The following SDK1 variants were observed in gnomAD, a reference collection of about 807,000 sequenced individuals.
SDK1 encodes protein sidekick-1.
SDK1 carries 157 observed loss-of-function variants against 245.5 expected under a neutral mutation model. The observed-to-expected ratio is 0.64, with a 90% CI of 0.56 to 0.73. SDK1 has a LOEUF of 0.73. Among genes scored for constraint, SDK1 ranks in the 30% least tolerant of loss-of-function variants. SDK1 has a pLI of 0.00. For missense variants in SDK1, 3,583 were observed against 3,002.3 expected, an observed-to-expected ratio of 1.19 and a Z score of -4.52; for synonymous variants, 1,647 against 1,278.5, an observed-to-expected ratio of 1.29 and a Z score of -6.15.
rs1027707757 is a variant in SDK1, at chr7:4,268,817, C to T, written c.*3433C>T. The T allele has an allele frequency of 3.5e-5, 41 of 1,166,092 alleles. No individual in the cohort carries two copies. Among genetic ancestry groups the T allele is most frequent in the South Asian group, 3.3e-4 (28 of 83,788 alleles). The allele number at this position is 1,166,092 out of a possible 1,614,324, so 72.2% of individuals were successfully genotyped here. On this transcript the variant is annotated 3_prime_UTR_variant, in exon 45 of 45. Transcript: ENST00000404826. ...TGAGCTGAGCCTGCCCGCTGGGACA[C>T]GTCTCCTTCCCGCGTCACCTTCTGG... is the stretch of plus-strand genomic sequence containing the variant.
rs534913253 is a variant in SDK1, at chr7:3,360,858, A to G, written c.298+58974A>G. Among the ~76,000 whole-genome samples the G allele has an allele frequency of 3.9e-4, 57 of 147,486 alleles. 1 individual carries two copies. In the South Asian group the frequency reaches 0.012, roughly 30 times the overall value. ...AGTGGGGGGAGTTATAATTTAGGGA[A>G]TTTCCATATTGGAGATAGTACTGCC... On this transcript the variant is annotated intron_variant, in intron 1 of 44. Transcript: ENST00000404826.
intron 1 of SDK1, among the ~76,000 whole-genome samples, chr7:3,599,630 G>A (rs573129321): frequency 2.0e-5 from 3 of 152,196 alleles, no homozygotes; most frequent in African/African-American, 4.8e-5. Flanking sequence ...GATTTAATTT[G>A]TATAGAAGGT....
At chr7:3,349,872 G>T (rs929306761) in intron 1 of SDK1, among the ~76,000 whole-genome samples, 3 of 152,170 alleles carry the variant, frequency 2.0e-5, no homozygotes, top group African/African-American at 7.2e-5. Context: ...AAAGTGCTGG[G>T]ATTACAGGCA....
chr7:3,398,238 A>G (rs955460400), intron 1 of SDK1, among the ~76,000 whole-genome samples: 3 of 151,988 alleles, frequency 2.0e-5, no homozygotes, highest in African/African-American at 7.3e-5. Flanking sequence ...ATACCGCCTT[A>G]AGTAGAGTCT....
chr7:3,974,577 C>A, intron 13 of SDK1, 32 bp downstream of exon 13: 1 of 1,598,846 alleles, frequency 6.3e-7, no homozygotes, highest in South Asian at 1.1e-5. Context: ...GTTAGCCAGT[C>A]CGCGGTTTTC....
At chr7:3,666,613 G>A (rs1783542339) in intron 4 of SDK1, among the ~76,000 whole-genome samples, 4 of 152,168 alleles carry the variant, frequency 2.6e-5, no homozygotes, top group Admixed American at 2.6e-4. Flanking sequence ...AGCTCCTGAG[G>A]ACAGACACTC....
intron 14 of SDK1, among the ~76,000 whole-genome samples, chr7:4,003,206 C>G (rs577780884): frequency 2.0e-5 from 3 of 152,382 alleles, no homozygotes; most frequent in East Asian, 1.9e-4. Flanking sequence ...AACACATGAC[C>G]TTCCACTGCA....
intron 1 of SDK1, among the ~76,000 whole-genome samples, chr7:3,426,105 T>C (rs78527418): frequency 0.024 from 3,644 of 152,338 alleles, 55 homozygotes; most frequent in African/African-American, 0.039. Flanking sequence ...TGTTAAGCAG[T>C]AAACAACGTG....
intron 1 of SDK1, among the ~76,000 whole-genome samples, chr7:3,483,616 T>C (rs1442361559): frequency 6.6e-6 from 1 of 152,204 alleles, no homozygotes; most frequent in Admixed American, 6.5e-5. Context: ...TATCCTTGTT[T>C]TCTTCTTCAT....
At chr7:3,440,788 C>T (rs777087985) in intron 1 of SDK1, among the ~76,000 whole-genome samples, 14 of 152,224 alleles carry the variant, frequency 9.2e-5, no homozygotes, top group Non-Finnish European at 1.9e-4. Context: ...TGCTGTTGCA[C>T]CTCAAACTGC....
At position 3,736,372 on chromosome 7, in the gene SDK1, G is replaced by A. The variant is rs117162807; in HGVS notation, c.714-85078G>A. ...GCAGTGGCACGTCTCGGCTCACTGC[G>A]AGCTCTGCCTCCCGGGTTCACGCCC... On this transcript the variant is annotated intron_variant, in intron 4 of 44. Transcript: ENST00000404826. Among the ~76,000 whole-genome samples, 1,257 of 152,092 alleles carry A rather than the reference G, an allele frequency of 8.3e-3. 15 individuals carry two copies. The highest frequency in any genetic ancestry group is 0.017 in the African/African-American group (714 of 41,482).
intron 35 of SDK1, among the ~76,000 whole-genome samples, chr7:4,204,739 C>A (rs1249744936): frequency 6.6e-6 from 1 of 152,210 alleles, no homozygotes; most frequent in Admixed American, 6.5e-5. Context: ...GCCTCTGCCT[C>A]CGGGAGCCAG....
intron 21 of SDK1, among the ~76,000 whole-genome samples, chr7:4,079,084 G>A (rs547379580): frequency 4.6e-5 from 7 of 152,280 alleles, no homozygotes; most frequent in Non-Finnish European, 8.8e-5. Context: ...CGGCCCGCTC[G>A]TTCTCTGTGT....
chr7:3,581,586 G>T (rs2128632747), intron 1 of SDK1, among the ~76,000 whole-genome samples: 1 of 152,236 alleles, frequency 6.6e-6, no homozygotes, highest in African/African-American at 2.4e-5. Flanking sequence ...AAGGCAGTGT[G>T]GTGATTCCTC....
intron 1 of SDK1, among the ~76,000 whole-genome samples, chr7:3,429,235 G>A (rs1328146903): frequency 6.5e-5 from 4 of 61,718 alleles, no homozygotes; most frequent in African/African-American, 3.5e-4. Context: ...GAAAAAATAT[G>A]ATAAAAGGCT....
At chr7:3,343,140 G>A (rs1461285908) in intron 1 of SDK1, among the ~76,000 whole-genome samples, 3 of 152,130 alleles carry the variant, frequency 2.0e-5, no homozygotes, top group Admixed American at 6.5e-5. Flanking sequence ...GTAGAACTAT[G>A]ATACAACTTG....
rs898133509 is a variant in SDK1 at position 4,026,001 on chromosome 7, G to C, written c.2602+8649G>C. 6.6e-6 allele frequency among the ~76,000 whole-genome samples: 1 copy of C among 152,168 alleles called. No individual in the cohort carries two copies. Among genetic ancestry groups the C allele is most frequent in the African/African-American group, 2.4e-5 (1 of 41,432 alleles). On this transcript the variant is annotated intron_variant, in intron 17 of 44. Coordinates refer to ENST00000404826, the MANE Select transcript of SDK1 (RefSeq NM_152744.4). This position sits in a 1 kb window ranked among gnomAD's most constrained non-coding sequence, Gnocchi z 4.1. The stretch of plus-strand genomic sequence containing the variant: ...TCCCCTGCTGGAAATGCTGAATCCG[G>C]GACTGCAGCCCAGAAGGCGCATGGG...
intron 4 of SDK1, among the ~76,000 whole-genome samples, chr7:3,740,468 G>A (rs1779447256): frequency 6.6e-6 from 1 of 152,182 alleles, no homozygotes; most frequent in Non-Finnish European, 1.5e-5. Context: ...GTTTGCCCTA[G>A]GGATAGGGCT....
intron 5 of SDK1, among the ~76,000 whole-genome samples, chr7:3,885,527 C>T (rs1042602988): frequency 9.2e-5 from 14 of 152,176 alleles, no homozygotes; most frequent in African/African-American, 4.8e-5. Context: ...CCTATCAAGT[C>T]GGCCCCGTCT....
Sources: gnomAD v4.1 joint callset for allele counts (sites outside exome capture counted in the v4.1 genomes callset) on GRCh38, gnomAD v4.1.1 for gene constraint, Gnocchi (gnomAD v3.1) non-coding constraint, MANE v1.5 for transcripts, NCBI Gene and HGNC (gene_info 2026-07-23, HGNC 2026-07-21) for gene names.